The following UTS2B variants were observed in gnomAD, a reference collection of about 807,000 sequenced individuals.
UTS2B encodes urotensin-2B.
UTS2B carries 21 observed loss-of-function variants against 19.2 expected under a neutral mutation model. That is an observed-to-expected ratio of 1.09 (90% CI 0.78 to 1.58). UTS2B has a LOEUF of 1.58. Among genes scored for constraint, UTS2B ranks in the 40% most tolerant of loss-of-function variants. The pLI is 0.00. For missense variants in UTS2B, 138 were observed against 130.3 expected (o/e 1.06, Z -0.29); for synonymous variants, 57 against 50.2 (o/e 1.14, Z -0.58).
the UTS2B span, among the ~76,000 whole-genome samples, chr3:191,340,478 G>T: frequency 2.0e-5 from 3 of 152,194 alleles, no homozygotes; most frequent in Non-Finnish European, 4.4e-5. Flanking sequence ...GTTTTAATCT[G>T]CATGTTAATA....
intron 4 of UTS2B, among the ~76,000 whole-genome samples, chr3:191,296,914 A>T (rs1369123136): frequency 2.0e-5 from 3 of 152,266 alleles, no homozygotes; most frequent in Admixed American, 2.0e-4. Flanking sequence ...GAGAGGAATC[A>T]AACATGACTG....
chr3:191,319,763 G>T (rs1461864030), intron 2 of UTS2B, among the ~76,000 whole-genome samples: 1 of 151,302 alleles, frequency 6.6e-6, no homozygotes, highest in Admixed American at 6.6e-5. Context: ...AGCCACTTGG[G>T]AGGCTGAGGC....
At chr3:191,273,905 C>G (rs1029448898) in intron 8 of UTS2B, among the ~76,000 whole-genome samples, 11 of 152,262 alleles carry the variant, frequency 7.2e-5, no homozygotes, top group African/African-American at 2.4e-4. Context: ...CAGAATCAGA[C>G]CAGCCTAACC....
chr3:191,319,120 A>G (rs1717544137), intron 2 of UTS2B, among the ~76,000 whole-genome samples: 2 of 152,020 alleles, frequency 1.3e-5, no homozygotes, highest in African/African-American at 4.8e-5. Context: ...ATTAGCTCAC[A>G]GTCCTCCTTG....
intron 4 of UTS2B, among the ~76,000 whole-genome samples, chr3:191,284,157 G>T (rs1300102751): frequency 6.6e-6 from 1 of 151,536 alleles, no homozygotes; most frequent in Non-Finnish European, 1.5e-5. Context: ...AGCTTTTATT[G>T]CCTTAATTTT....
chr3:191,312,343 A>G (rs1170915962), intron 3 of UTS2B, among the ~76,000 whole-genome samples: 1 of 152,138 alleles, frequency 6.6e-6, no homozygotes, highest in African/African-American at 2.4e-5. Flanking sequence ...ACCAAAAGTC[A>G]TATTGCAGGT....
intron 2 of UTS2B, among the ~76,000 whole-genome samples, chr3:191,319,703 C>CAA (rs10669169): frequency 0.3 from 39,768 of 134,608 alleles, 6,049 homozygotes; most frequent in South Asian, 0.38. Flanking sequence ...GCTAAAAATA[C>CAA]AAAAAAAAAA....
At chr3:191,281,130 T>A (rs1716373641) in intron 5 of UTS2B, among the ~76,000 whole-genome samples, 1 of 152,182 alleles carries the variant, frequency 6.6e-6, no homozygotes, top group Non-Finnish European at 1.5e-5. Flanking sequence ...GGAAACTTGA[T>A]CCCTTTTCTC....
chr3:191,299,416 C>A (rs1584934), intron 4 of UTS2B, among the ~76,000 whole-genome samples: 1 of 152,118 alleles, frequency 6.6e-6, no homozygotes, highest in Non-Finnish European at 1.5e-5. Flanking sequence ...AGCTCAGTTG[C>A]TTCAGCTCCA....
At chr3:191,292,170 G>A (rs1387148568) in intron 4 of UTS2B, among the ~76,000 whole-genome samples, 1 of 150,330 alleles carries the variant, frequency 6.7e-6, no homozygotes, top group East Asian at 1.9e-4. Context: ...GGTAGAGGTT[G>A]CACTAAATTT....
chr3:191,314,912 C>T (rs1281462209), intron 3 of UTS2B, among the ~76,000 whole-genome samples: 1 of 152,164 alleles, frequency 6.6e-6, no homozygotes, highest in African/African-American at 2.4e-5. Context: ...TTGCCTTGCC[C>T]TACGCATCTC....
At chr3:191,286,007 A>C (rs1398041067) in intron 4 of UTS2B, among the ~76,000 whole-genome samples, 2 of 152,212 alleles carry the variant, frequency 1.3e-5, no homozygotes, top group Non-Finnish European at 2.9e-5. Flanking sequence ...ATAGACTTCA[A>C]GACAAAAACT....
chr3:191,294,336 A>G (rs1716801305), intron 4 of UTS2B, among the ~76,000 whole-genome samples: 1 of 151,914 alleles, frequency 6.6e-6, no homozygotes, highest in Non-Finnish European at 1.5e-5. Context: ...ACTGGATTCA[A>G]ACTCCAGGGT....
chr3:191,278,216 T>C (rs1298706188), intron 5 of UTS2B, 46 bp from the exon 6 acceptor site: 3 of 1,045,370 alleles, frequency 2.9e-6, no homozygotes, highest in Admixed American at 6.3e-5. Context: ...TCACCGAAAA[T>C]ATTTCTAATT....
At chr3:191,343,072 C>T in the UTS2B span, among the ~76,000 whole-genome samples, 7 of 138,122 alleles carry the variant, frequency 5.1e-5, no homozygotes, top group South Asian at 9.4e-4. Context: ...CAGTGCTTGG[C>T]GGGATGCAAG....
chr3:191,298,542 C>G (rs12638950), intron 4 of UTS2B, among the ~76,000 whole-genome samples: 99,920 of 152,092 alleles, frequency 0.66, 32,822 homozygotes, highest in African/African-American at 0.67. Context: ...AGCCATTATG[C>G]TTTCTGTAAA....
At chr3:191,268,787 C>T (rs553504092) in intron 8 of UTS2B, among the ~76,000 whole-genome samples, 5 of 152,174 alleles carry the variant, frequency 3.3e-5, no homozygotes, top group Admixed American at 6.5e-5. Context: ...ATTCAATAGA[C>T]TGCCCTATGA....
intron 2 of UTS2B, among the ~76,000 whole-genome samples, chr3:191,317,557 T>C (rs1185168726): frequency 7.3e-6 from 1 of 137,462 alleles, no homozygotes; most frequent in South Asian, 2.6e-4. Flanking sequence ...CACCTCTCAT[T>C]AGGATAGTCT....
intron 5 of UTS2B, among the ~76,000 whole-genome samples, chr3:191,281,591 T>C (rs1716386418): frequency 6.6e-6 from 1 of 151,556 alleles, no homozygotes; most frequent in South Asian, 2.1e-4. Flanking sequence ...ACTGCTATGA[T>C]TTCCCCCAAT....
Sources: allele counts gnomAD v4.1 joint callset (sites outside exome capture counted in the v4.1 genomes callset), GRCh38; gene constraint gnomAD v4.1.1; transcripts MANE v1.5; gene names NCBI Gene and HGNC (gene_info 2026-07-23, HGNC 2026-07-21).